Variants in DLC1 observed in about 807,000 individuals in gnomAD.
DLC1 encodes DLC1 Rho GTPase activating protein.
DLC1 carries 54 observed loss-of-function variants against 140.3 expected under a neutral mutation model. The observed-to-expected ratio is 0.38, with a 90% CI of 0.31 to 0.48. The LOEUF is 0.48. DLC1 is among the 20% of genes least tolerant of loss of function. DLC1 has a pLI of 0.96. For synonymous variants in DLC1, 986 were observed against 728.1 expected, an observed-to-expected ratio of 1.35 and a Z score of -5.70; for missense variants, 2,536 against 1,907.0, an observed-to-expected ratio of 1.33 and a Z score of -6.14.
chr8:13,540,706 G>C (rs751526727), intron 1 of DLC1, among the ~76,000 whole-genome samples: 1 of 152,168 alleles, frequency 6.6e-6, no homozygotes, highest in Non-Finnish European at 1.5e-5. Context: ...TTAGTAATGA[G>C]GCTGTGAAGA....
chr8:13,430,305 A>T (rs1011541528), intron 2 of DLC1, among the ~76,000 whole-genome samples: 2 of 152,176 alleles, frequency 1.3e-5, no homozygotes, highest in Non-Finnish European at 2.9e-5. Context: ...CCTTTGAGAA[A>T]CAAAGGCCTT....
intron 2 of DLC1, among the ~76,000 whole-genome samples, chr8:13,467,577 A>G (rs1445245272): frequency 3.3e-5 from 5 of 151,998 alleles, no homozygotes; most frequent in Non-Finnish European, 5.9e-5. Flanking sequence ...TGTCTTTACA[A>G]AAAATCAGCC....
intron 5 of DLC1, among the ~76,000 whole-genome samples, chr8:13,206,108 G>A (rs1403558850): frequency 6.6e-6 from 1 of 152,148 alleles, no homozygotes; most frequent in Non-Finnish European, 1.5e-5. Context: ...TATATTCTGT[G>A]ATTTCTCCTG....
chr8:13,262,309 A>G (rs1249057151), intron 5 of DLC1, among the ~76,000 whole-genome samples: 1 of 152,182 alleles, frequency 6.6e-6, no homozygotes, highest in African/African-American at 2.4e-5. Flanking sequence ...CTCAAGGGGA[A>G]CATATTTCAT....
chr8:13,362,509 C>T (rs1189824898), intron 4 of DLC1, among the ~76,000 whole-genome samples: 2 of 151,976 alleles, frequency 1.3e-5, no homozygotes, highest in Admixed American at 1.3e-4. Flanking sequence ...GTTAACCTTT[C>T]CTGCCTTCAT....
At chr8:13,118,507 T>C (rs1358059066) in intron 5 of DLC1, among the ~76,000 whole-genome samples, 1 of 152,178 alleles carries the variant, frequency 6.6e-6, no homozygotes, top group African/African-American at 2.4e-5. Flanking sequence ...GAGTCCACTC[T>C]GAAAACTTAG....
chr8:13,544,239 C>T (rs556420314), intron 1 of DLC1, among the ~76,000 whole-genome samples: 1 of 151,322 alleles, frequency 6.6e-6, no homozygotes, highest in East Asian at 1.9e-4. Context: ...TAGGAAGTAA[C>T]TTACTAGATT....
chr8:13,563,977 A>G (rs149261362), intron 1 of DLC1, among the ~76,000 whole-genome samples: 2 of 152,222 alleles, frequency 1.3e-5, no homozygotes, highest in African/African-American at 4.8e-5. Context: ...GAAAAATATT[A>G]CAACACTTTA....
At chr8:13,322,922 C>T (rs1413162908) in intron 4 of DLC1, among the ~76,000 whole-genome samples, 1 of 152,154 alleles carries the variant, frequency 6.6e-6, no homozygotes, top group African/African-American at 2.4e-5. Context: ...TTCCCTCTTG[C>T]ACTGTCTTTT....
intron 1 of DLC1, among the ~76,000 whole-genome samples, chr8:13,551,850 C>G (rs2046183): frequency 0.24 from 33,291 of 141,346 alleles, 3,877 homozygotes; most frequent in Admixed American, 0.29. Flanking sequence ...ATATATGCAC[C>G]TCTAGACAAG....
intron 2 of DLC1, among the ~76,000 whole-genome samples, chr8:13,430,462 G>A (rs897975354): frequency 4.6e-5 from 7 of 152,158 alleles, no homozygotes; most frequent in Non-Finnish European, 1.5e-5. Context: ...TGGTTGTCAG[G>A]TGATGATTAC....
chr8:13,099,855 A>G lies in DLC1; in HGVS notation c.2482T>C (p.Ser828Pro). ...ACAGAGCCGTTATTCCCCGAGGGGG[A>G]GAAACTGCCATTGGTGAGAGCTTTG... ...FPKALTNGSF[S>P]PSGNNGSVNW... is the part of the protein sequence containing the mutation. Residue 828 changes from serine to proline, a missense_variant, in exon 9 of 18, where the codon TCC (serine) becomes CCC (proline). Coordinates refer to ENST00000276297, the MANE Select transcript of DLC1 (RefSeq NM_182643.3). 6.2e-7 allele frequency: 1 copy of G among 1,614,014 alleles called. No homozygotes were observed. The highest frequency in any genetic ancestry group is 1.3e-5 in the African/African-American group (1 of 74,978).
Position 13,088,672 on chromosome 8 carries a change from C to A in DLC1, c.4107G>T (p.Arg1369Ser), listed in dbSNP as rs1265343028. The change falls in exon 16 of 18, where the codon AGG becomes AGT. Residue 1369 changes from arginine to serine, a missense_variant. Coordinates refer to ENST00000276297, the MANE Select transcript of DLC1 (RefSeq NM_182643.3). ...GCACAGCAGGGACTTCAATGACTGA[C>A]CTCCAAAGCCTCAGAGGGGGTCCTT... ...VSEGPPLRLW[R>S]SVIEVPAVPE... 6.2e-7 allele frequency: 1 copy of A among 1,614,092 alleles called. No individual in the cohort carries two copies.
chr8:13,505,548 G>A (rs901320912), intron 1 of DLC1, among the ~76,000 whole-genome samples: 2 of 152,152 alleles, frequency 1.3e-5, no homozygotes, highest in African/African-American at 4.8e-5. Flanking sequence ...TTAAGCTGAT[G>A]CATAAACACG....
At chr8:13,123,358 G>A (rs1299013459) in intron 5 of DLC1, among the ~76,000 whole-genome samples, 1 of 147,112 alleles carries the variant, frequency 6.8e-6, no homozygotes, top group Non-Finnish European at 1.5e-5. Context: ...TTTGGTTGTT[G>A]ACAAGGAGTC....
At chr8:13,451,011 C>T (rs1470705160) in intron 2 of DLC1, among the ~76,000 whole-genome samples, 1 of 107,220 alleles carries the variant, frequency 9.3e-6, no homozygotes, top group African/African-American at 3.5e-5. Flanking sequence ...TGCACTCCAG[C>T]CTGGTGATAG....
intron 5 of DLC1, among the ~76,000 whole-genome samples, chr8:13,156,996 C>T (rs910855383): frequency 6.6e-6 from 1 of 152,118 alleles, no homozygotes; most frequent in Non-Finnish European, 1.5e-5. Flanking sequence ...ATCTGATTCT[C>T]AGACAGGAAG....
At chr8:13,139,275 T>C in intron 5 of DLC1, among the ~76,000 whole-genome samples, 1 of 107,328 alleles carries the variant, frequency 9.3e-6, no homozygotes, top group Non-Finnish European at 1.7e-5. Flanking sequence ...GGCCACAGAG[T>C]GAGACCCTGT....
chr8:13,474,607 G>C (rs533748986), intron 2 of DLC1, among the ~76,000 whole-genome samples: 11 of 152,276 alleles, frequency 7.2e-5, no homozygotes, highest in African/African-American at 2.6e-4. Context: ...TGGGAGAGGG[G>C]CTAAAACCTG....
Sources: allele counts gnomAD v4.1 joint callset (sites outside exome capture counted in the v4.1 genomes callset), GRCh38; gene constraint gnomAD v4.1.1; transcripts MANE v1.5; gene names NCBI Gene and HGNC (gene_info 2026-07-23, HGNC 2026-07-21).